The following WNK1 variants were observed in gnomAD, a reference collection of about 807,000 sequenced individuals.
WNK1 encodes the protein serine/threonine-protein kinase WNK1.
A neutral mutation model predicts 222.8 loss-of-function variants in WNK1; 38 were observed. The ratio of observed to expected loss-of-function variants is 0.17; its 90% CI spans 0.13 to 0.22. WNK1 has a LOEUF of 0.22. Among genes scored for constraint, WNK1 ranks in the 10% least tolerant of loss-of-function variants. WNK1 has a pLI of 1.00. For missense variants in WNK1, 2,348 were observed against 2,918.4 expected (o/e 0.80, Z 4.50); for synonymous variants, 1,090 against 1,092.9 (o/e 1.00, Z 0.05).
intron 22 of WNK1, among the ~76,000 whole-genome samples, chr12:891,836 G>A (rs1351374781): frequency 1.3e-5 from 2 of 151,454 alleles, no homozygotes; most frequent in African/African-American, 2.4e-5. Context: ...AGGCTGAGAC[G>A]AGGATTGCCT....
Position 897,586 on chromosome 12 carries a change from C to G in WNK1, c.6353C>G (p.Ala2118Gly). 6.2e-7 allele frequency: 1 copy of G among 1,614,148 alleles called. No homozygotes were observed. Among genetic ancestry groups the G allele is most frequent in the Non-Finnish European group, 8.5e-7 (1 of 1,180,002 alleles). ...CCTGCTGTTATTATTCCCCCAGCTG[C>G]TCCCCTTTCAGGGAGAAGACGACGA... ...VPPAVIIPPAAPLSGRRRRPT... is the reference protein window; with the variant it reads ...VPPAVIIPPAGPLSGRRRRPT... Residue 2118 changes from alanine (A) to glycine (G), a missense_variant, in exon 25 of 28, where the codon GCT becomes GGT. Ala to Gly is a moderately conservative substitution (Grantham distance 60). This residue lies in a region of WNK1 where 1,144 missense variants were observed against 1,273.6 expected (regional missense o/e 0.90). Transcript: ENST00000315939.
At chr12:900,700 C>T in intron 26 of WNK1, 30 bp downstream of exon 26, 1 of 1,613,686 alleles carries the variant, frequency 6.2e-7, no homozygotes, top group Non-Finnish European at 8.5e-7. Flanking sequence ...CGTCCAAAAA[C>T]AATAAAATGG....
chr12:843,643 CT>C (rs1949792251), intron 4 of WNK1, among the ~76,000 whole-genome samples: 2 of 152,130 alleles, frequency 1.3e-5, no homozygotes, highest in Non-Finnish European at 2.9e-5. Context: ...AAAGGAAATA[CT>C]TTATAGACCA....
chr12:880,634 C>CTTTTT, intron 11 of WNK1, 87 bp from the exon 12 acceptor site: 1 of 1,198,450 alleles, frequency 8.3e-7, no homozygotes, highest in Non-Finnish European at 1.2e-6. Context: ...CTGTGTGCTT[C>CTTTTT]TTTTTTTTTT....
chr12:868,556 C>G, intron 8 of WNK1: 1 of 1,613,832 alleles, frequency 6.2e-7, no homozygotes, highest in Non-Finnish European at 8.5e-7. Context: ...GAAATTTCAC[C>G]CTGTCTTTGT....
At chr12:897,725 T>C in intron 25 of WNK1, 44 bp downstream of exon 25, 4 of 1,589,032 alleles carry the variant, frequency 2.5e-6, no homozygotes, top group Non-Finnish European at 3.5e-6. Context: ...TCCTATCTTT[T>C]GTTTCTGTCT....
chr12:795,094 A>G (rs1945181686), intron 1 of WNK1, among the ~76,000 whole-genome samples: 1 of 152,114 alleles, frequency 6.6e-6, no homozygotes, highest in Non-Finnish European at 1.5e-5. Context: ...TCTATCTGGC[A>G]TTGGTGTTAG....
chr12:757,816 T>C (rs1192669561), intron 1 of WNK1, among the ~76,000 whole-genome samples: 1 of 146,652 alleles, frequency 6.8e-6, no homozygotes, highest in Non-Finnish European at 1.5e-5. Context: ...GGCGGGTGGA[T>C]CACGCGGTCA....
chr12:753,408 C>G lies in WNK1; in HGVS notation c.-158C>G. ...GCTGGGCCCAGCGGTCCGCCTGTCC[C>G]TCGTTGCGGCTTGTCGGTGCTGAGT... is the stretch of plus-strand genomic sequence containing the variant. On this transcript the variant is annotated 5_prime_UTR_variant, in exon 1 of 28. Coordinates refer to ENST00000315939, the MANE Select transcript of WNK1 (RefSeq NM_018979.4). This position sits in a 1 kb window ranked among gnomAD's most constrained non-coding sequence, Gnocchi z 5.2. 1 of 948,298 alleles carries G rather than the reference C, an allele frequency of 1.1e-6. No homozygotes were observed. The highest frequency in any genetic ancestry group is 2.7e-5 in the East Asian group (1 of 37,346). 58.7% of individuals were successfully genotyped at this position (948,298 alleles called of 1,614,324 possible).
intron 25 of WNK1, among the ~76,000 whole-genome samples, chr12:900,016 C>CTTTTTT (rs11433731): frequency 4.7e-3 from 562 of 119,166 alleles, no homozygotes; most frequent in Non-Finnish European, 5.5e-3. Flanking sequence ...GGATTCTTTT[C>CTTTTTT]TTTTTTTTTT....
rs1939390520 is a variant in WNK1 at position 752,676 on chromosome 12, G to C, written c.-890G>C. On this transcript the variant is annotated 5_prime_UTR_variant, in exon 1 of 28. Coordinates refer to ENST00000315939, the MANE Select transcript of WNK1 (RefSeq NM_018979.4). ...CCATCTTCGGTGACAGAAGGCGCCT[G>C]GTGGGGGTGGCTGCTCTTTTCTCTC... 6.6e-6 allele frequency: 1 copy of C among 152,416 alleles called. No individual in the cohort carries two copies. Among genetic ancestry groups the C allele is most frequent in the South Asian group, 2.1e-4 (1 of 4,832 alleles). 9.4% of individuals were successfully genotyped at this position (152,416 alleles called of 1,614,324 possible). A position where few individuals can be genotyped will look rare whatever the true frequency, so the allele number is the denominator to read the frequency against.
intron 21 of WNK1, among the ~76,000 whole-genome samples, chr12:890,085 TG>T (rs1678353458): frequency 6.6e-6 from 1 of 151,672 alleles, no homozygotes; most frequent in Non-Finnish European, 1.5e-5. Context: ...CCCGAGTAGC[TG>T]GGATTACAGG....
chr12:879,998 G>A lies in WNK1; in HGVS notation c.2799G>A (p.Glu933=). Residue 933 remains glutamate (E), a synonymous_variant, in exon 11 of 28, where the codon GAG becomes GAA. Transcript: ENST00000315939. ...GIPANLGQAA[E]VPLSSGDVLY... ...CAGCTAACCTTGGACAAGCTGCTGA[G>A]GTTCCACTTTCCTCTGGAGATGTTC... is the stretch of plus-strand genomic sequence containing the variant. 6.2e-7 allele frequency: 1 copy of A among 1,614,174 alleles called. No individual in the cohort carries two copies. Among genetic ancestry groups the A allele is most frequent in the South Asian group, 1.1e-5 (1 of 91,080 alleles).
In WNK1 at chr12:872,135, T is replaced by A. The variant is rs1389780083; in HGVS notation, c.2223+787T>A. 3.3e-5 allele frequency among the ~76,000 whole-genome samples: 5 copies of A among 152,134 alleles called. No individual in the cohort carries two copies. In the South Asian group the frequency reaches 6.2e-4, roughly 19 times the overall value. ...AGAACATTTATTTATTTATTTATTT[T>A]TATTTATTTTGAGACAGCCTTGCTC... On this transcript the variant is annotated intron_variant, in intron 9 of 27. Coordinates refer to ENST00000315939, the MANE Select transcript of WNK1 (RefSeq NM_018979.4).
intron 1 of WNK1, among the ~76,000 whole-genome samples, chr12:772,425 A>G (rs1024010579): frequency 1.6e-4 from 11 of 69,390 alleles, no homozygotes; most frequent in East Asian, 8.2e-4. Context: ...GTGTGTGTGT[A>G]TGTATGTGTG....
In WNK1 at chr12:868,209, A is replaced by G. The variant is rs1489571068; in HGVS notation, c.2140-3056A>G. 1.9e-6 allele frequency: 3 copies of G among 1,612,954 alleles called. No homozygotes were observed. Among genetic ancestry groups the G allele is most frequent in the Non-Finnish European group, 2.5e-6 (3 of 1,179,274 alleles). On this transcript the variant is annotated intron_variant, in intron 8 of 27. Transcript: ENST00000315939. ...CCTATGTTTGAACCATCTCAAGTTT[A>G]CAGTGACTATAGACCTGGACTAGTA...
chr12:865,772 G>A (rs1411770771), intron 8 of WNK1, among the ~76,000 whole-genome samples: 3 of 151,178 alleles, frequency 2.0e-5, no homozygotes, highest in African/African-American at 7.3e-5. Context: ...ATTCTAAGGA[G>A]ACACTAATAA....
At chr12:811,717 A>C (rs577275185) in intron 1 of WNK1, among the ~76,000 whole-genome samples, 1 of 152,186 alleles carries the variant, frequency 6.6e-6, no homozygotes, top group South Asian at 2.1e-4. Context: ...TAAAAAAAAA[A>C]CAATATTCAG....
chr12:758,373 CT>C (rs397957357), intron 1 of WNK1, among the ~76,000 whole-genome samples: 17 of 64,724 alleles, frequency 2.6e-4, no homozygotes, highest in South Asian at 7.5e-4. Context: ...TGCTATAGTT[CT>C]TTTTTTTTTT....
Sources: gnomAD v4.1 joint callset for allele counts (sites outside exome capture counted in the v4.1 genomes callset) on GRCh38, gnomAD v4.1.1 for gene constraint, gnomAD v4.1.1 regional missense constraint, Gnocchi (gnomAD v3.1) non-coding constraint, MANE v1.5 for transcripts, NCBI Gene and HGNC (gene_info 2026-07-23, HGNC 2026-07-21) for gene names.